The following PTPRK variants were observed in gnomAD, a reference collection of about 807,000 sequenced individuals.
The protein encoded by PTPRK is receptor-type tyrosine-protein phosphatase kappa.
In PTPRK, 75 loss-of-function variants were observed where a neutral mutation model predicts 178.0. The observed-to-expected ratio is 0.42, with a 90% confidence interval of 0.35 to 0.51. PTPRK has a LOEUF of 0.51. Among genes scored for constraint, PTPRK ranks in the 20% least tolerant of loss-of-function variants. The pLI, the probability that PTPRK is intolerant of heterozygous loss-of-function variation, is 0.02. For missense variants in PTPRK, 1,441 were observed against 1,797.8 expected, an observed-to-expected ratio of 0.80 and a Z score of 3.59; for synonymous variants, 637 against 620.6, an observed-to-expected ratio of 1.03 and a Z score of -0.39.
At chr6:128,314,335 C>A (rs984273780) in intron 3 of PTPRK, among the ~76,000 whole-genome samples, 1 of 152,218 alleles carries the variant, frequency 6.6e-6, no homozygotes, top group Admixed American at 6.5e-5. Flanking sequence ...ACTTATTCAG[C>A]ACTGTCCAAC....
chr6:128,398,425 G>C (rs1397016779), intron 1 of PTPRK, among the ~76,000 whole-genome samples: 4 of 152,138 alleles, frequency 2.6e-5, no homozygotes, highest in African/African-American at 9.7e-5. Flanking sequence ...AGGTGAATCA[G>C]CCTTAGGTTC....
intron 3 of PTPRK, among the ~76,000 whole-genome samples, chr6:128,312,345 A>G (rs1562263219): frequency 6.6e-6 from 1 of 152,184 alleles, no homozygotes; most frequent in East Asian, 1.9e-4. Context: ...TCTGGTTTCT[A>G]TGCCCTGCCA....
intron 1 of PTPRK, among the ~76,000 whole-genome samples, chr6:128,462,786 G>C (rs189774638): frequency 4.3e-4 from 66 of 151,960 alleles, no homozygotes; most frequent in Non-Finnish European, 7.4e-4. Context: ...CTCCCAAGTA[G>C]CTGGGATTAC....
chr6:128,334,020 A>C (rs1830600274), intron 2 of PTPRK, among the ~76,000 whole-genome samples: 1 of 152,160 alleles, frequency 6.6e-6, no homozygotes, highest in Non-Finnish European at 1.5e-5. Flanking sequence ...GAGAGGAAGA[A>C]AGACGGGAAC....
chr6:128,441,001 A>C (rs1480445080), intron 1 of PTPRK, among the ~76,000 whole-genome samples: 2 of 152,200 alleles, frequency 1.3e-5, no homozygotes, highest in Non-Finnish European at 2.9e-5. Context: ...GTGTGTTCCA[A>C]CTTACACACC....
At chr6:128,482,810 C>T (rs1852269874) in intron 1 of PTPRK, among the ~76,000 whole-genome samples, 1 of 152,148 alleles carries the variant, frequency 6.6e-6, no homozygotes, top group Non-Finnish European at 1.5e-5. Context: ...TCTGGGAATT[C>T]TTCTGACAGG....
intron 13 of PTPRK, among the ~76,000 whole-genome samples, chr6:128,015,098 T>C (rs1779457938): frequency 6.6e-6 from 1 of 151,728 alleles, no homozygotes; most frequent in Admixed American, 6.6e-5. Flanking sequence ...TGAAAATTAA[T>C]TTTACACTGC....
chr6:128,191,184 TTA>T (rs1803728074), intron 6 of PTPRK, among the ~76,000 whole-genome samples: 2 of 152,164 alleles, frequency 1.3e-5, no homozygotes, highest in African/African-American at 2.4e-5. Context: ...TAATGGGATA[TTA>T]TATATGTTTG....
intron 1 of PTPRK, among the ~76,000 whole-genome samples, chr6:128,477,986 G>A (rs1291572723): frequency 1.3e-5 from 2 of 152,044 alleles, no homozygotes; most frequent in African/African-American, 2.4e-5. Flanking sequence ...TGCACAATAC[G>A]TGTAAAGATA....
intron 1 of PTPRK, among the ~76,000 whole-genome samples, chr6:128,404,808 G>T (rs1241897475): frequency 1.3e-5 from 2 of 152,196 alleles, no homozygotes; most frequent in Non-Finnish European, 2.9e-5. Flanking sequence ...AAGAAAAAAT[G>T]AAACTTGCCA....
intron 7 of PTPRK, among the ~76,000 whole-genome samples, chr6:128,171,188 G>A (rs1800195474): frequency 6.6e-6 from 1 of 152,004 alleles, no homozygotes; most frequent in Non-Finnish European, 1.5e-5. Flanking sequence ...CTTCAATACA[G>A]TGGATCCAAA....
At chr6:128,376,127 A>G (rs1837037520) in intron 2 of PTPRK, among the ~76,000 whole-genome samples, 1 of 152,154 alleles carries the variant, frequency 6.6e-6, no homozygotes, top group African/African-American at 2.4e-5. Context: ...TCACTGCTCC[A>G]CTAGGTGGTG....
At chr6:128,062,286 A>C (rs1360294314) in intron 13 of PTPRK, 1 of 166,090 alleles carries the variant, frequency 6.0e-6, no homozygotes, top group Non-Finnish European at 1.5e-5. Flanking sequence ...ATCATAGCTC[A>C]CTGCAGCCTC....
intron 2 of PTPRK, among the ~76,000 whole-genome samples, chr6:128,389,443 G>T (rs1839247995): frequency 6.9e-6 from 1 of 144,486 alleles, no homozygotes; most frequent in Non-Finnish European, 1.5e-5. Context: ...GTGTGTGTGT[G>T]TATGTATTTC....
intron 1 of PTPRK, 86 bp downstream of exon 1, chr6:128,520,173 T>A: frequency 8.3e-7 from 1 of 1,198,400 alleles, no homozygotes; most frequent in Non-Finnish European, 1.2e-6. Context: ...CCACGATCCT[T>A]GTCCCCAGCC....
At chr6:128,419,264 A>G (rs369453400) in intron 1 of PTPRK, among the ~76,000 whole-genome samples, 1 of 152,202 alleles carries the variant, frequency 6.6e-6, no homozygotes, top group African/African-American at 2.4e-5. Flanking sequence ...AATGGACACT[A>G]AAAGGGGGTA....
chr6:128,431,353 T>A (rs1009910056), intron 1 of PTPRK, among the ~76,000 whole-genome samples: 2 of 152,132 alleles, frequency 1.3e-5, no homozygotes, highest in African/African-American at 2.4e-5. Flanking sequence ...GCATCCATGA[T>A]AAATAAAATA....
intron 7 of PTPRK, among the ~76,000 whole-genome samples, chr6:128,092,188 G>T (rs1787086542): frequency 1.3e-5 from 2 of 152,134 alleles, no homozygotes; most frequent in Non-Finnish European, 2.9e-5. Flanking sequence ...GTTGTGGAAA[G>T]AAATAGCTTT....
Position 128,118,573 on chromosome 6 carries a change from T to A in PTPRK, c.1163-28581A>T, listed in dbSNP as rs941622591. ...GTTTATAATGACCTCTGAATTTTTT[T>A]AAAAATGTGGTTTTTCTTTTAGCTA... is the stretch of plus-strand genomic sequence containing the variant. On this transcript the variant is annotated intron_variant, in intron 7 of 29. Transcript: ENST00000368226. Among the ~76,000 whole-genome samples, 43 of 152,322 alleles carry A rather than the reference T, an allele frequency of 2.8e-4. 2 individuals carry two copies. Among genetic ancestry groups the A allele is most frequent in the South Asian group, 1.4e-3 (7 of 4,830 alleles).
Sources: allele counts gnomAD v4.1 joint callset (sites outside exome capture counted in the v4.1 genomes callset), GRCh38; gene constraint gnomAD v4.1.1; transcripts MANE v1.5; gene names NCBI Gene and HGNC (gene_info 2026-07-23, HGNC 2026-07-21).